SNX16: variants seen among roughly 807,000 people sequenced by gnomAD.
SNX16 encodes sorting nexin 16.
A neutral mutation model predicts 36.7 loss-of-function variants in SNX16; 35 were observed. That is an observed-to-expected ratio of 0.95 (90% CI 0.73 to 1.27). The LOEUF is 1.27. SNX16 is among the 50% of genes most tolerant of loss of function. SNX16 has a pLI of 0.00. For missense variants in SNX16, 367 were observed against 393.6 expected (o/e 0.93, Z 0.57); for synonymous variants, 134 against 132.0 (o/e 1.02, Z -0.10).
chr8:81,819,797 C>A (rs1169499306), intron 4 of SNX16, among the ~76,000 whole-genome samples: 1 of 151,936 alleles, frequency 6.6e-6, no homozygotes, highest in Non-Finnish European at 1.5e-5. Flanking sequence ...AATCTGAAAA[C>A]AACATTCTTT....
At chr8:81,814,640 T>C (rs1332226966) in intron 5 of SNX16, 1 of 152,248 alleles carries the variant, frequency 6.6e-6, no homozygotes, top group South Asian at 2.1e-4. Context: ...GTGAATATTA[T>C]GGATGAAAAT....
intron 2 of SNX16, among the ~76,000 whole-genome samples, chr8:81,837,321 C>T (rs1218514710): frequency 1.3e-5 from 2 of 152,168 alleles, no homozygotes; most frequent in African/African-American, 2.4e-5. Context: ...CATTTACTTC[C>T]TCCTCTCCAG....
intron 3 of SNX16, among the ~76,000 whole-genome samples, chr8:81,829,191 A>G (rs1419035605): frequency 6.6e-6 from 1 of 152,082 alleles, no homozygotes; most frequent in Non-Finnish European, 1.5e-5. Flanking sequence ...ATAATTCAAA[A>G]GATCTTATAC....
chr8:81,827,342 G>A (rs1586009894), intron 3 of SNX16, among the ~76,000 whole-genome samples: 2 of 151,934 alleles, frequency 1.3e-5, no homozygotes, highest in East Asian at 1.9e-4. Flanking sequence ...GATTAAATAG[G>A]TCTACAATGA....
rs753150510 is a variant in SNX16, at chr8:81,839,803, C to T, written c.184G>A (p.Asp62Asn). The T allele has an allele frequency of 5.6e-6, 9 of 1,613,470 alleles. No homozygotes were observed. Among genetic ancestry groups the T allele is most frequent in the African/African-American group, 4.0e-5 (3 of 74,904 alleles). The change falls in exon 2 of 8, where the codon GAT becomes AAT. Residue 62 changes from aspartate to asparagine, a missense_variant. By Grantham distance (23) the Asp-to-Asn change is conservative. Coordinates refer to ENST00000345957, the MANE Select transcript of SNX16 (RefSeq NM_152836.3). Reference protein sequence around the residue: ...FKQTSVPDQMDNTSSVCSSPL... With the variant: ...FKQTSVPDQMNNTSSVCSSPL... ...CTGCTACAGACAGATGAAGTATTAT[C>T]CATTTGATCAGGAACACTTGTCTGT... is the stretch of plus-strand genomic sequence containing the variant.
rs539594469 is a variant in SNX16 at position 81,816,923 on chromosome 8, C to A, written c.612-1529G>T. Among the ~76,000 whole-genome samples, 4 of 152,234 alleles carry A rather than the reference C, an allele frequency of 2.6e-5. No individual in the cohort carries two copies. The East Asian group carries it at 7.7e-4, about 29-fold the overall frequency. On this transcript the variant is annotated intron_variant, in intron 4 of 7. Coordinates refer to ENST00000345957, the MANE Select transcript of SNX16 (RefSeq NM_152836.3). The stretch of plus-strand genomic sequence containing the variant: ...TGAAAACATCTGATTTATCTGCAAC[C>A]CTCTCTAGTCATGGCCTCTAGTAGA...
At chr8:81,841,526 C>T (rs898228932) in intron 1 of SNX16, among the ~76,000 whole-genome samples, 1 of 151,744 alleles carries the variant, frequency 6.6e-6, no homozygotes, top group Admixed American at 6.6e-5. Flanking sequence ...CTGGCCTTTG[C>T]CACTCTACTA....
chr8:81,814,691 A>G (rs931063210), intron 5 of SNX16: 1 of 152,140 alleles, frequency 6.6e-6, no homozygotes, highest in Non-Finnish European at 1.5e-5. Flanking sequence ...CAGGGCATTC[A>G]ATCTAACACA....
intron 2 of SNX16, among the ~76,000 whole-genome samples, chr8:81,833,828 T>C (rs886226544): frequency 6.6e-5 from 10 of 152,252 alleles, no homozygotes; most frequent in Non-Finnish European, 1.3e-4. Flanking sequence ...TTATGAACAG[T>C]ACTGATCATT....
intron 5 of SNX16, chr8:81,808,295 G>A: frequency 1.7e-6 from 2 of 1,162,126 alleles, no homozygotes; most frequent in Non-Finnish European, 2.6e-6. Context: ...GGCCACAACT[G>A]TGAAGTTAGG....
chr8:81,815,114 G>A (rs959467400), intron 5 of SNX16: 9 of 288,222 alleles, frequency 3.1e-5, no homozygotes, highest in African/African-American at 1.9e-4. Context: ...TTGACTATAA[G>A]ACATATATGA....
At chr8:81,808,465 G>A (rs2600604) in intron 5 of SNX16, 382,094 of 1,008,084 alleles carry the variant, frequency 0.38, 77,276 homozygotes, top group African/African-American at 0.48. Flanking sequence ...GCTGACAGCT[G>A]TGGTGGTGGG....
intron 5 of SNX16, among the ~76,000 whole-genome samples, chr8:81,813,561 A>G (rs953433877): frequency 1.3e-5 from 2 of 151,852 alleles, no homozygotes; most frequent in Admixed American, 6.6e-5. Context: ...TAAAAGCATA[A>G]GCCATTAAAA....
At chr8:81,814,273 A>G (rs1270538183) in intron 5 of SNX16, among the ~76,000 whole-genome samples, 1 of 152,072 alleles carries the variant, frequency 6.6e-6, no homozygotes, top group Non-Finnish European at 1.5e-5. Context: ...GAATACCCTC[A>G]AAAGCATGCT....
At chr8:81,829,644 T>C (rs1811165014) in intron 2 of SNX16, 128 bp from the exon 3 acceptor site, 5 of 383,028 alleles carry the variant, frequency 1.3e-5, no homozygotes, top group East Asian at 7.9e-5. Flanking sequence ...GTAAAAAATA[T>C]CAAAAATCAT....
intron 7 of SNX16, 114 bp from the exon 8 acceptor site, chr8:81,801,707 T>TA: frequency 1.7e-6 from 1 of 575,138 alleles, no homozygotes; most frequent in Non-Finnish European, 2.9e-6. Flanking sequence ...TTTACATACT[T>TA]AGTGTAAAAG....
At chr8:81,815,505 G>GT (rs1433672838) in intron 4 of SNX16, 111 bp from the exon 5 acceptor site, 11 of 672,162 alleles carry the variant, frequency 1.6e-5, no homozygotes, top group Non-Finnish European at 2.7e-5. Flanking sequence ...TTGGTTATGT[G>GT]TTTTCATACA....
At chr8:81,824,821 T>G (rs952526021) in intron 3 of SNX16, among the ~76,000 whole-genome samples, 1 of 152,172 alleles carries the variant, frequency 6.6e-6, no homozygotes, top group Non-Finnish European at 1.5e-5. Flanking sequence ...ATAATTCATA[T>G]GAGGTACAGT....
At chr8:81,829,554 T>G in intron 2 of SNX16, 38 bp from the exon 3 acceptor site, 1 of 929,400 alleles carries the variant, frequency 1.1e-6, no homozygotes, top group Non-Finnish European at 1.5e-6. Context: ...GAGAAAAATA[T>G]AAAAGTAAAG....
Sources: gnomAD v4.1 joint callset for allele counts (sites outside exome capture counted in the v4.1 genomes callset) on GRCh38, gnomAD v4.1.1 for gene constraint, MANE v1.5 for transcripts, NCBI Gene and HGNC (gene_info 2026-07-23, HGNC 2026-07-21) for gene names.